The following DOCK6 variants were observed in gnomAD, a reference collection of about 807,000 sequenced individuals.
The protein encoded by DOCK6 is dedicator of cytokinesis 6, also known as dedicator of cytokinesis protein 6.
In DOCK6, 167 loss-of-function variants were observed where a neutral mutation model predicts 230.3. The observed-to-expected ratio is 0.73, with a 90% CI of 0.64 to 0.82. DOCK6 has a LOEUF of 0.82. Among genes scored for constraint, DOCK6 ranks in the 40% least tolerant of loss-of-function variants. The pLI is 0.00. For synonymous variants in DOCK6, 1,148 were observed against 1,185.0 expected (o/e 0.97, Z 0.64); for missense variants, 2,598 against 2,825.8 (o/e 0.92, Z 1.83).
intron 5 of DOCK6, chr19:11,251,819 T>G: frequency 8.4e-6 from 3 of 358,096 alleles, no homozygotes; most frequent in Non-Finnish European, 1.5e-5. Context: ...AAATGTTGAT[T>G]GACAAAATAC....
intron 1 of DOCK6, among the ~76,000 whole-genome samples, chr19:11,257,728 G>A (rs2147892725): frequency 6.6e-6 from 1 of 152,062 alleles, no homozygotes; most frequent in Admixed American, 6.6e-5. Context: ...GGTGGAGGTT[G>A]CAGTGAGCCG....
intron 22 of DOCK6, among the ~76,000 whole-genome samples, chr19:11,230,448 G>A (rs189138138): frequency 7.9e-5 from 12 of 152,350 alleles, no homozygotes; most frequent in South Asian, 4.1e-4. Flanking sequence ...TGTGGATGGA[G>A]TGGGACCGAG....
chr19:11,236,976 T>A lies in DOCK6; in HGVS notation c.2074-97A>T. On this transcript the variant is annotated intron_variant, in intron 18 of 47. Transcript: ENST00000294618. The surrounding 1 kb of genome is among the most constrained non-coding windows in gnomAD (Gnocchi z 5.2). ...CCATTGCGACACTGCAGCGTGAGTG[T>A]AGCCCGGTCTGGGGGTGCAGCCAAG... is the stretch of plus-strand genomic sequence containing the variant. 7.7e-7 allele frequency: 1 copy of A among 1,302,798 alleles called. No homozygotes were observed. The highest frequency in any genetic ancestry group is 1.0e-6 in the Non-Finnish European group (1 of 952,602). The allele number at this position is 1,302,798 out of a possible 1,614,324, so 80.7% of individuals were successfully genotyped here. A position where few individuals can be genotyped will look rare whatever the true frequency, so the allele number is the denominator to read the frequency against.
Position 11,200,899 on chromosome 19 carries a change from C to T in DOCK6, c.5832+10G>A. The T allele has an allele frequency of 2.5e-6, 4 of 1,613,888 alleles. No homozygotes were observed. The highest frequency in any genetic ancestry group is 3.4e-6 in the Non-Finnish European group (4 of 1,179,862). On this transcript the variant is annotated intron_variant, in intron 45 of 47. Coordinates refer to ENST00000294618, the MANE Select transcript of DOCK6 (RefSeq NM_020812.4). The surrounding 1 kb of genome is among the most constrained non-coding windows in gnomAD (Gnocchi z 4.3). ...CCGTGCGGCTTGCATCCCCCTTCCA[C>T]CAGCCGTGCCTGGTTCACGGTGGGC... is the stretch of plus-strand genomic sequence containing the variant.
chr19:11,228,867 G>C (rs1042924312), intron 23 of DOCK6, 73 bp downstream of exon 23: 2 of 1,456,908 alleles, frequency 1.4e-6, no homozygotes, highest in South Asian at 2.3e-5. Context: ...TGGCCAGGGG[G>C]CTTCTCTCTT....
chr19:11,244,359 C>T (rs186088359), intron 9 of DOCK6, among the ~76,000 whole-genome samples: 17 of 150,750 alleles, frequency 1.1e-4, no homozygotes, highest in African/African-American at 4.2e-4. Flanking sequence ...GGGATCTCAG[C>T]TCACTGCAAC....
chr19:11,238,063 G>A lies in DOCK6; in HGVS notation c.1814C>T (p.Pro605Leu), dbSNP rs758124796. The change falls in exon 16 of 48, where the codon CCG becomes CTG. Residue 605 changes from proline to leucine, a missense_variant. Coordinates refer to ENST00000294618, the MANE Select transcript of DOCK6 (RefSeq NM_020812.4). Reference protein sequence around the residue: ...CSEFTREAFTPVVYHNKSPEF... With the variant: ...CSEFTREAFTLVVYHNKSPEF... ...TACATACTTGTTATGGTAGACCACC[G>A]GTGTGAAGGCCTCGCGGGTAAATTC... 58 of 1,613,684 alleles carry A rather than the reference G, an allele frequency of 3.6e-5. No individual in the cohort carries two copies. Among genetic ancestry groups the A allele is most frequent in the Middle Eastern group, 1.6e-4 (1 of 6,084 alleles).
At chr19:11,229,089 C>T in intron 22 of DOCK6, 54 bp from the exon 23 acceptor site, 1 of 1,537,874 alleles carries the variant, frequency 6.5e-7, no homozygotes, top group Non-Finnish European at 8.9e-7. Flanking sequence ...TTCCCGTACC[C>T]CCTCTGGAGA....
chr19:11,230,523 G>A (rs1361096038), intron 22 of DOCK6, among the ~76,000 whole-genome samples: 1 of 152,120 alleles, frequency 6.6e-6, no homozygotes, highest in Non-Finnish European at 1.5e-5. Context: ...TGAAATCAGT[G>A]TAGACAGCAA....
chr19:11,203,604 G>T (rs990940278), intron 41 of DOCK6: 3 of 165,948 alleles, frequency 1.8e-5, no homozygotes, highest in Non-Finnish European at 2.6e-5. Flanking sequence ...AGCGGGATTC[G>T]GGGGGGCTGG....
intron 3 of DOCK6, 50 bp downstream of exon 3, chr19:11,252,733 G>A (rs768587328): frequency 6.3e-7 from 1 of 1,595,982 alleles, no homozygotes; most frequent in Non-Finnish European, 8.6e-7. Flanking sequence ...GATGGGGTTG[G>A]CAGAGACAGA....
rs1568228816 is a variant in DOCK6, at chr19:11,216,968, C to A, written c.3840G>T (p.Gln1280His). The change falls in exon 30 of 48, where the codon CAG (glutamine) becomes CAT (histidine). Residue 1280 changes from glutamine to histidine, a missense_variant. Coordinates refer to ENST00000294618, the MANE Select transcript of DOCK6 (RefSeq NM_020812.4). ...QRWATDLTLP[Q>H]LGRLLDLLYL... is the part of the protein sequence containing the mutation. ...ACAGCAAATCCAACAGACGTCCCAG[C>A]TGGGGGAGTGTCAGGTCAGTGGCCC... 2 of 1,613,780 alleles carry A rather than the reference C, an allele frequency of 1.2e-6. No homozygotes were observed. Among genetic ancestry groups the A allele is most frequent in the Non-Finnish European group, 1.7e-6 (2 of 1,179,902 alleles).
intron 5 of DOCK6, chr19:11,251,449 G>C (rs182027290): frequency 7.4e-5 from 15 of 202,182 alleles, no homozygotes; most frequent in Admixed American, 3.1e-4. Context: ...CAGGGAAGGA[G>C]AGAGTTCTTC....
rs141079456 is a variant in DOCK6 at position 11,236,221 on chromosome 19, A to G, written c.2392+125T>C. On this transcript the variant is annotated intron_variant, in intron 20 of 47. Coordinates refer to ENST00000294618, the MANE Select transcript of DOCK6 (RefSeq NM_020812.4). The surrounding 1 kb of genome is among the most constrained non-coding windows in gnomAD (Gnocchi z 5.2). ...ACCTTCTCTGGGTGCAGGGGACTGG[A>G]GGTCATTTTTCAGATGAGAAAAATG... is the stretch of plus-strand genomic sequence containing the variant. The G allele has an allele frequency of 6.5e-6, 6 of 928,986 alleles. No homozygotes were observed. The East Asian group carries it at 1.6e-4, about 25-fold the overall frequency. The allele number at this position is 928,986 out of a possible 1,614,324, so 57.5% of individuals were successfully genotyped here. A position where few individuals can be genotyped will look rare whatever the true frequency, so the allele number is the denominator to read the frequency against.
At position 11,201,849 on chromosome 19, in the gene DOCK6, T is replaced by TCCCCC; in HGVS notation, c.5688+39_5688+40insGGGGG. The TCCCCC allele has an allele frequency of 1.4e-6, 1 of 733,398 alleles. No homozygotes were observed. The highest frequency in any genetic ancestry group is 2.0e-6 in the Non-Finnish European group (1 of 490,642). 45.4% of individuals were successfully genotyped at this position (733,398 alleles called of 1,614,324 possible). A position where few individuals can be genotyped will look rare whatever the true frequency, so the allele number is the denominator to read the frequency against. On this transcript the variant is annotated intron_variant, in intron 44 of 47. Transcript: ENST00000294618. The surrounding 1 kb of genome is among the most constrained non-coding windows in gnomAD (Gnocchi z 4.3). ...TCCCCTCCCAGGGTCTGATGTCCCC[T>TCCCCC]CACCTCCCCACCCCCGCCAGGCCCA...
intron 35 of DOCK6, among the ~76,000 whole-genome samples, chr19:11,212,665 C>T (rs1047015132): frequency 1.1e-4 from 16 of 149,930 alleles, no homozygotes; most frequent in African/African-American, 3.7e-4. Flanking sequence ...CAGGTTCAAG[C>T]GATTCTCGTG....
chr19:11,234,207 C>T (rs906833300), intron 21 of DOCK6, among the ~76,000 whole-genome samples: 1 of 151,704 alleles, frequency 6.6e-6, no homozygotes, highest in South Asian at 2.1e-4. Context: ...ACCATGTTGG[C>T]CAGGATGGTC....
At chr19:11,234,230 C>A (rs1599252312) in intron 21 of DOCK6, among the ~76,000 whole-genome samples, 3 of 151,582 alleles carry the variant, frequency 2.0e-5, no homozygotes, top group African/African-American at 7.3e-5. Context: ...GATCTGTTGA[C>A]CTTGTCATCT....
chr19:11,252,960 T>C lies in DOCK6; in HGVS notation c.133-2A>G. 1 of 1,601,918 alleles carries C rather than the reference T, an allele frequency of 6.2e-7. No homozygotes were observed. Among genetic ancestry groups the C allele is most frequent in the Non-Finnish European group, 8.5e-7 (1 of 1,174,350 alleles). ...CTCGACAACTTCAGTCAGTGGGACC[T>C]GGATTGGAGCAAAGTGGCTGTGATC... is the stretch of plus-strand genomic sequence containing the variant. On this transcript the variant is annotated splice_acceptor_variant, in intron 2 of 47. Coordinates refer to ENST00000294618, the MANE Select transcript of DOCK6 (RefSeq NM_020812.4). LOFTEE classifies it high-confidence loss of function.
Sources: allele counts gnomAD v4.1 joint callset (sites outside exome capture counted in the v4.1 genomes callset), GRCh38; gene constraint gnomAD v4.1.1; non-coding constraint Gnocchi (gnomAD v3.1); transcripts MANE v1.5; gene names NCBI Gene and HGNC (gene_info 2026-07-23, HGNC 2026-07-21).